Variants in AK7 observed in about 807,000 individuals in gnomAD.
AK7 encodes ATP-AMP transphosphorylase 7.
AK7 carries 78 observed loss-of-function variants against 96.6 expected under a neutral mutation model. The observed-to-expected ratio is 0.81, with a 90% CI of 0.67 to 0.97. The LOEUF is 0.97. AK7 is among the 50% of genes least tolerant of loss of function. AK7 has a pLI of 0.00. For missense variants in AK7, 855 were observed against 887.9 expected, an observed-to-expected ratio of 0.96 and a Z score of 0.47; for synonymous variants, 302 against 317.2, an observed-to-expected ratio of 0.95 and a Z score of 0.51.
In AK7 at chr14:96,488,824, C is replaced by CTTTTTTTTTTTTTTTTTTTTT. The variant is rs11361139; in HGVS notation, c.*500_*501insTTTTTTTTTTTTTTTTTTTTT. 7.8e-6 allele frequency: 1 copy of CTTTTTTTTTTTTTTTTTTTTT among 127,788 alleles called. No individual in the cohort carries two copies. The highest frequency in any genetic ancestry group is 1.7e-5 in the Non-Finnish European group (1 of 60,276). The allele number at this position is 127,788 out of a possible 1,614,324, so 7.9% of individuals were successfully genotyped here. ...GACAAGATTGGTGCCTGTAAGGTGG[C>CTTTTTTTTTTTTTTTTTTTTT]TTTTTTTTTTTTTTTTTTTAAATGA... On this transcript the variant is annotated 3_prime_UTR_variant, in exon 18 of 18. Transcript: ENST00000267584.
chr14:96,457,372 G>T (rs1188883441), intron 11 of AK7, among the ~76,000 whole-genome samples: 2 of 152,022 alleles, frequency 1.3e-5, no homozygotes, highest in Non-Finnish European at 2.9e-5. Context: ...GAAATGGCTT[G>T]TAACTACTTT....
intron 10 of AK7, among the ~76,000 whole-genome samples, chr14:96,452,366 A>G (rs553474665): frequency 1.4e-4 from 22 of 152,064 alleles, no homozygotes; most frequent in Non-Finnish European, 2.9e-4. Context: ...TCTGTTGCCC[A>G]GGCTGGAGTG....
At chr14:96,395,878 C>T (rs565231783) in intron 1 of AK7, among the ~76,000 whole-genome samples, 1 of 111,458 alleles carries the variant, frequency 9.0e-6, no homozygotes, top group East Asian at 3.2e-4. Flanking sequence ...GTAGCATGAT[C>T]TTGGCTCACT....
At chr14:96,450,314 G>A (rs1893518520) in intron 9 of AK7, among the ~76,000 whole-genome samples, 2 of 151,872 alleles carry the variant, frequency 1.3e-5, no homozygotes, top group Non-Finnish European at 2.9e-5. Context: ...TACTTGGGAG[G>A]CTGAGACAGG....
intron 12 of AK7, among the ~76,000 whole-genome samples, chr14:96,463,175 C>A (rs1328232404): frequency 6.6e-6 from 1 of 150,734 alleles, no homozygotes; most frequent in Non-Finnish European, 1.5e-5. Flanking sequence ...AACAAAAAAC[C>A]AGTTAACCTT....
At chr14:96,406,951 C>T (rs948285944) in intron 3 of AK7, among the ~76,000 whole-genome samples, 8 of 152,126 alleles carry the variant, frequency 5.3e-5, no homozygotes, top group African/African-American at 1.4e-4. Flanking sequence ...GGATTACAGA[C>T]GTGAACCACC....
chr14:96,482,921 A>G, intron 15 of AK7, 78 bp from the exon 16 acceptor site: 2 of 1,387,450 alleles, frequency 1.4e-6, no homozygotes, highest in Non-Finnish European at 2.0e-6. Flanking sequence ...TCGCAAGTTT[A>G]TAGTAATAAA....
chr14:96,486,897 G>C lies in AK7; in HGVS notation c.1975-1G>C. 6.3e-7 allele frequency: 1 copy of C among 1,575,864 alleles called. No homozygotes were observed. Among genetic ancestry groups the C allele is most frequent in the Non-Finnish European group, 8.6e-7 (1 of 1,156,356 alleles). ...CTTTACCACCAAATATTCTATTTTA[G>C]AATAAACGACTGGAGGAAGTGAAAA... is the stretch of plus-strand genomic sequence containing the variant. On this transcript the variant is annotated splice_acceptor_variant, in intron 16 of 17. Transcript: ENST00000267584. LOFTEE classifies it high-confidence loss of function.
intron 5 of AK7, among the ~76,000 whole-genome samples, chr14:96,426,827 T>G (rs1185572783): frequency 1.3e-5 from 2 of 152,246 alleles, no homozygotes; most frequent in African/African-American, 4.8e-5. Context: ...CTTGCTGCTT[T>G]TTGGATCCTT....
intron 14 of AK7, among the ~76,000 whole-genome samples, chr14:96,474,600 G>A (rs1444753051): frequency 6.6e-6 from 1 of 151,796 alleles, no homozygotes; most frequent in Admixed American, 6.6e-5. Context: ...ACTCCAGCCT[G>A]GGCAACAGAG....
At chr14:96,452,428 T>G (rs1056099816) in intron 10 of AK7, among the ~76,000 whole-genome samples, 11 of 151,364 alleles carry the variant, frequency 7.3e-5, no homozygotes, top group African/African-American at 2.7e-4. Flanking sequence ...GTTCAAGTGA[T>G]TCTCGTGCCT....
At chr14:96,397,057 A>T (rs1890122075) in intron 1 of AK7, among the ~76,000 whole-genome samples, 1 of 152,208 alleles carries the variant, frequency 6.6e-6, no homozygotes, top group Non-Finnish European at 1.5e-5. Flanking sequence ...TGCTTGCACC[A>T]CTGCACTCCA....
intron 5 of AK7, among the ~76,000 whole-genome samples, chr14:96,436,132 T>C (rs1794200626): frequency 6.6e-6 from 1 of 152,328 alleles, no homozygotes; most frequent in Middle Eastern, 3.4e-3. Context: ...GTTGAAAAAC[T>C]GTCTTGGACT....
chr14:96,406,212 C>T (rs1057156183), intron 3 of AK7, among the ~76,000 whole-genome samples: 5 of 152,048 alleles, frequency 3.3e-5, no homozygotes, highest in South Asian at 2.1e-4. Flanking sequence ...CCACTGTGCC[C>T]GGCCAAGCAA....
At chr14:96,488,283 C>G in intron 17 of AK7, 22 bp from the exon 18 acceptor site, 2 of 1,601,688 alleles carry the variant, frequency 1.2e-6, no homozygotes, top group Non-Finnish European at 1.7e-6. Flanking sequence ...AAACTGTTGA[C>G]TTGTCTTTTT....
At chr14:96,460,832 C>T (rs1326118752) in intron 12 of AK7, among the ~76,000 whole-genome samples, 1 of 152,202 alleles carries the variant, frequency 6.6e-6, no homozygotes, top group Non-Finnish European at 1.5e-5. Flanking sequence ...ATGTTTGTCA[C>T]TGCCTGCTTC....
intron 16 of AK7, 140 bp downstream of exon 16, chr14:96,483,359 C>G: frequency 1.2e-6 from 1 of 842,042 alleles, no homozygotes; most frequent in Non-Finnish European, 1.8e-6. Context: ...TTTGTGTTTG[C>G]TTTTTGTCAT....
chr14:96,449,924 T>C, intron 9 of AK7, 45 bp downstream of exon 9: 7 of 1,335,910 alleles, frequency 5.2e-6, no homozygotes, highest in Non-Finnish European at 7.3e-6. Context: ...TCTTTCTCAA[T>C]AATATGGAGT....
At chr14:96,422,427 C>T (rs1322220052) in intron 5 of AK7, among the ~76,000 whole-genome samples, 3 of 152,124 alleles carry the variant, frequency 2.0e-5, no homozygotes, top group Non-Finnish European at 4.4e-5. Context: ...AGGGAGTATG[C>T]CTTAACCCTG....
Sources: allele counts gnomAD v4.1 joint callset (sites outside exome capture counted in the v4.1 genomes callset), GRCh38; gene constraint gnomAD v4.1.1; transcripts MANE v1.5; gene names NCBI Gene and HGNC (gene_info 2026-07-23, HGNC 2026-07-21).